HFM1: variants seen among roughly 807,000 people sequenced by gnomAD.
HFM1 encodes the protein probable ATP-dependent DNA helicase HFM1.
Under a neutral mutation model 192.1 loss-of-function variants are expected in HFM1, and 169 were observed. The observed-to-expected ratio is 0.88, with a 90% confidence interval of 0.78 to 1.00. HFM1 has a LOEUF of 1.00. HFM1 is among the 50% of genes least tolerant of loss of function. The probability of loss-of-function intolerance (pLI) is 0.00; values close to 1 mark genes in which losing one functional copy is unlikely to be tolerated. For missense variants in HFM1, 1,661 were observed against 1,668.0 expected, an observed-to-expected ratio of 1.00 and a Z score of 0.07; for synonymous variants, 525 against 537.8, an observed-to-expected ratio of 0.98 and a Z score of 0.33.
chr1:91,348,975 A>G (rs1277961230), intron 18 of HFM1, among the ~76,000 whole-genome samples: 3 of 149,882 alleles, frequency 2.0e-5, no homozygotes, highest in African/African-American at 7.4e-5. Context: ...AGAAGACTAA[A>G]ATAATGGAGG....
chr1:91,373,009 A>G (rs562430577), intron 13 of HFM1, among the ~76,000 whole-genome samples: 28 of 152,108 alleles, frequency 1.8e-4, no homozygotes, highest in Admixed American at 6.6e-4. Context: ...ATTTTTTTTC[A>G]TATGGTAGTA....
chr1:91,299,326 A>T (rs917686298), intron 30 of HFM1, among the ~76,000 whole-genome samples: 1 of 152,136 alleles, frequency 6.6e-6, no homozygotes, highest in East Asian at 1.9e-4. Flanking sequence ...CTCCCACACA[A>T]TAATAATGGG....
At chr1:91,307,058 T>TA (rs761351170) in intron 30 of HFM1, among the ~76,000 whole-genome samples, 11 of 152,282 alleles carry the variant, frequency 7.2e-5, no homozygotes, top group Middle Eastern at 3.4e-3. Context: ...TCATTCTTGA[T>TA]ATTGTTACTT....
chr1:91,382,172 T>C (rs922747932), intron 6 of HFM1, among the ~76,000 whole-genome samples: 1 of 152,122 alleles, frequency 6.6e-6, no homozygotes, highest in African/African-American at 2.4e-5. Context: ...TTGGCTCTTT[T>C]CCCTCCATTA....
chr1:91,296,114 T>C (rs950768122), intron 30 of HFM1, among the ~76,000 whole-genome samples: 7 of 152,020 alleles, frequency 4.6e-5, no homozygotes, highest in Non-Finnish European at 1.0e-4. Flanking sequence ...AGAGATGGGG[T>C]TTCACCATGT....
chr1:91,347,859 A>T (rs961569912), intron 18 of HFM1, among the ~76,000 whole-genome samples: 12 of 152,216 alleles, frequency 7.9e-5, no homozygotes, highest in Admixed American at 3.3e-4. Flanking sequence ...CTAGGCACAT[A>T]CCCACAGATA....
chr1:91,407,190 C>T (rs1664843736), upstream of HFM1, among the ~76,000 whole-genome samples: 1 of 152,136 alleles, frequency 6.6e-6, no homozygotes, highest in South Asian at 2.1e-4. Flanking sequence ...GGGAACTTCA[C>T]ACACTGGGGC....
intron 33 of HFM1, 125 bp from the exon 34 acceptor site, chr1:91,273,940 A>G (rs1024990636): frequency 1.7e-6 from 1 of 581,976 alleles, no homozygotes; most frequent in Admixed American, 3.2e-5. Flanking sequence ...GATACACTGG[A>G]CCCAGGCTGG....
intron 19 of HFM1, among the ~76,000 whole-genome samples, chr1:91,346,258 GA>G (rs1176930458): frequency 6.6e-6 from 1 of 152,100 alleles, no homozygotes; most frequent in Non-Finnish European, 1.5e-5. Context: ...AATTTAACAA[GA>G]GATAAAACAT....
chr1:91,334,637 G>A (rs927605074), intron 20 of HFM1, among the ~76,000 whole-genome samples: 2 of 151,996 alleles, frequency 1.3e-5, no homozygotes, highest in African/African-American at 2.4e-5. Flanking sequence ...CACTTAAGAG[G>A]TTACTGGATT....
chr1:91,322,695 T>G (rs1008126161), intron 23 of HFM1, among the ~76,000 whole-genome samples: 1 of 152,182 alleles, frequency 6.6e-6, no homozygotes, highest in Non-Finnish European at 1.5e-5. Flanking sequence ...TGAAAGCTCC[T>G]GACAATGAGA....
chr1:91,364,034 G>A lies in HFM1; in HGVS notation c.1686-10735C>T, dbSNP rs138522228. On this transcript the variant is annotated intron_variant, in intron 13 of 38. Transcript: ENST00000370425. ...GGAACACATTGGGACCTGTTGGGGA[G>A]GTTGGGGAGGGAGAGCATTAAGAAT... Among the ~76,000 whole-genome samples, 64 of 151,984 alleles carry A rather than the reference G, an allele frequency of 4.2e-4. No individual in the cohort carries two copies. The East Asian group carries it at 0.011, about 27-fold the overall frequency.
At chr1:91,309,942 A>T (rs1044615667) in intron 30 of HFM1, among the ~76,000 whole-genome samples, 18 of 151,992 alleles carry the variant, frequency 1.2e-4, no homozygotes, top group African/African-American at 4.3e-4. Context: ...TTAAAAAAAA[A>T]GGCTTCTTGG....
At chr1:91,314,861 C>G (rs1650973549) in intron 28 of HFM1, among the ~76,000 whole-genome samples, 1 of 152,194 alleles carries the variant, frequency 6.6e-6, no homozygotes, top group Admixed American at 6.5e-5. Flanking sequence ...ATAAGTGGGT[C>G]ATGGTTAGCT....
chr1:91,284,943 T>C (rs193184190), intron 30 of HFM1, among the ~76,000 whole-genome samples: 18 of 152,286 alleles, frequency 1.2e-4, no homozygotes, highest in Admixed American at 3.9e-4. Context: ...TTTCCACATG[T>C]TGTGGGAGAG....
chr1:91,312,676 G>A (rs1032249572), intron 30 of HFM1, among the ~76,000 whole-genome samples: 1 of 152,188 alleles, frequency 6.6e-6, no homozygotes, highest in Non-Finnish European at 1.5e-5. Flanking sequence ...TTGGGTTAAT[G>A]CTGAAATGAG....
At position 91,325,529 on chromosome 1, in the gene HFM1, T is replaced by C. The variant is rs145419957; in HGVS notation, c.2336-763A>G. Among the ~76,000 whole-genome samples, 141 of 152,290 alleles carry C rather than the reference T, an allele frequency of 9.3e-4. 5 individuals carry two copies. In the East Asian group the frequency reaches 0.024, roughly 26 times the overall value. On this transcript the variant is annotated intron_variant, in intron 20 of 38. Coordinates refer to ENST00000370425, the MANE Select transcript of HFM1 (RefSeq NM_001017975.6). ...GTCTTTGCCTGATAGTCCAGAGAAT[T>C]CTTCTCCATCTTATCCATGAACACC...
Position 91,314,074 on chromosome 1 carries a change from T to A in HFM1, c.3141-14A>T. ...AAAACAGAATCCCTGAAAAATAGTA[T>A]AGTTTAAATAGTGATCCAAACACTG... On this transcript the variant is annotated splice_polypyrimidine_tract_variant and intron_variant, in intron 28 of 38. Coordinates refer to ENST00000370425, the MANE Select transcript of HFM1 (RefSeq NM_001017975.6). The A allele has an allele frequency of 6.9e-7, 1 of 1,440,708 alleles. No homozygotes were observed. Among genetic ancestry groups the A allele is most frequent in the Non-Finnish European group, 9.7e-7 (1 of 1,028,738 alleles). 89.2% of individuals were successfully genotyped at this position (1,440,708 alleles called of 1,614,324 possible).
In HFM1 at chr1:91,319,745, T is replaced by A. The variant is rs1326709329; in HGVS notation, c.2583-355A>T. Among the ~76,000 whole-genome samples, 3 of 152,186 alleles carry A rather than the reference T, an allele frequency of 2.0e-5. No individual in the cohort carries two copies. In the East Asian group the frequency reaches 5.8e-4, roughly 29 times the overall value. ...TACTTTAACCTCAACTATCTCAAAT[T>A]ATTTTCATATTCTCCTCCAATACAG... On this transcript the variant is annotated intron_variant, in intron 23 of 38. Transcript: ENST00000370425.
Sources: gnomAD v4.1 joint callset for allele counts (sites outside exome capture counted in the v4.1 genomes callset) on GRCh38, gnomAD v4.1.1 for gene constraint, MANE v1.5 for transcripts, NCBI Gene and HGNC (gene_info 2026-07-23, HGNC 2026-07-21) for gene names.